The following KCNJ12 variants were observed in gnomAD, a reference collection of about 807,000 sequenced individuals.
KCNJ12 encodes ATP-sensitive inward rectifier potassium channel 12.
In KCNJ12, 2 loss-of-function variants were observed where a neutral mutation model predicts 22.3. That is an observed-to-expected ratio of 0.09 (90% CI 0.04 to 0.28). KCNJ12 has a LOEUF of 0.28. KCNJ12 is among the 10% of genes least tolerant of loss of function. KCNJ12 has a pLI of 1.00. For synonymous variants in KCNJ12, 117 were observed against 261.4 expected (o/e 0.45, Z 5.33); for missense variants, 155 against 633.3 (o/e 0.24, Z 8.11).
chr17:21,391,404 C>G (rs782075337), intron 1 of KCNJ12, among the ~76,000 whole-genome samples: 1 of 152,190 alleles, frequency 6.6e-6, no homozygotes, highest in African/African-American at 2.4e-5. Flanking sequence ...ACCCCTCCAG[C>G]CTGCGTTCTT....
Position 21,386,641 on chromosome 17 carries a change from A to G in KCNJ12, c.-179+9728A>G, listed in dbSNP as rs1461263556. On this transcript the variant is annotated intron_variant, in intron 1 of 2. Transcript: ENST00000583088. ...TCCTGCCTCAGTCTCCTGAGTTGCT[A>G]GGACTACAGGCATGCGCCACCACGC... Among the ~76,000 whole-genome samples the G allele has an allele frequency of 8.6e-5, 13 of 151,986 alleles. 1 individual carries two copies. Among genetic ancestry groups the G allele is most frequent in the Admixed American group, 8.5e-4 (13 of 15,250 alleles).
rs189342082 is a variant in KCNJ12, at chr17:21,378,222, C to T, written c.-179+1309C>T. On this transcript the variant is annotated intron_variant, in intron 1 of 2. Coordinates refer to ENST00000583088, the MANE Select transcript of KCNJ12 (RefSeq NM_021012.5). ...CTGCGCTGCACCTCCGCGGCCCCTC[C>T]TCGCGCAGCTCCGCCCTGGACCGCC... Among the ~76,000 whole-genome samples the T allele has an allele frequency of 4.8e-3, 727 of 152,378 alleles. 7 individuals are homozygous for T. The highest frequency in any genetic ancestry group is 0.021 in the Middle Eastern group (6 of 292).
At chr17:21,387,810 T>G (rs904618540) in intron 1 of KCNJ12, among the ~76,000 whole-genome samples, 3 of 152,232 alleles carry the variant, frequency 2.0e-5, no homozygotes, top group African/African-American at 7.2e-5. Context: ...CTGTAATTCC[T>G]GGACACGGAG....
At chr17:21,384,770 GTT>G (rs200586129) in intron 1 of KCNJ12, among the ~76,000 whole-genome samples, 32 of 128,654 alleles carry the variant, frequency 2.5e-4, no homozygotes, top group Admixed American at 5.6e-4. Context: ...TTGTTTGTTT[GTT>G]TTTTTTTTTT....
intron 1 of KCNJ12, among the ~76,000 whole-genome samples, chr17:21,400,419 C>T (rs34416435): frequency 2.0e-5 from 3 of 152,310 alleles, no homozygotes; most frequent in African/African-American, 2.4e-5. Flanking sequence ...CTCCTGTAGC[C>T]GGAATCTCCT....
At chr17:21,393,335 G>T (rs1436076239) in intron 1 of KCNJ12, among the ~76,000 whole-genome samples, 1 of 152,154 alleles carries the variant, frequency 6.6e-6, no homozygotes, top group Non-Finnish European at 1.5e-5. Flanking sequence ...CAGAGGCCCT[G>T]CTTCAGGCCC....
chr17:21,391,245 G>A (rs1312948310), intron 1 of KCNJ12, among the ~76,000 whole-genome samples: 2 of 152,230 alleles, frequency 1.3e-5, no homozygotes, highest in African/African-American at 4.8e-5. Context: ...GTGCTGCCGT[G>A]GACATGGAAC....
At chr17:21,381,235 C>T (rs1005535261) in intron 1 of KCNJ12, among the ~76,000 whole-genome samples, 2 of 152,162 alleles carry the variant, frequency 1.3e-5, no homozygotes, top group Admixed American at 1.3e-4. Flanking sequence ...CCTCTCCTGC[C>T]CTCACCTGCA....
intron 1 of KCNJ12, among the ~76,000 whole-genome samples, chr17:21,389,750 A>G (rs1409681467): frequency 6.6e-6 from 1 of 152,114 alleles, no homozygotes; most frequent in Non-Finnish European, 1.5e-5. Context: ...TGTGTCCCCC[A>G]GCACCAGTGT....
intron 1 of KCNJ12, among the ~76,000 whole-genome samples, chr17:21,399,331 G>T (rs892246692): frequency 6.6e-6 from 1 of 152,174 alleles, no homozygotes; most frequent in Non-Finnish European, 1.5e-5. Context: ...GTCTCCTGGG[G>T]TTGTCAAGAG....
At chr17:21,396,859 C>T (rs541507919) in intron 1 of KCNJ12, among the ~76,000 whole-genome samples, 2 of 152,270 alleles carry the variant, frequency 1.3e-5, no homozygotes, top group East Asian at 1.9e-4. Context: ...TGTGCAGAGC[C>T]TCCCAGGGAG....
At chr17:21,386,894 C>G (rs1905086371) in intron 1 of KCNJ12, among the ~76,000 whole-genome samples, 8 of 152,232 alleles carry the variant, frequency 5.3e-5, no homozygotes, top group Admixed American at 3.9e-4. Context: ...TGCAAAGGCT[C>G]TTTTCATCTG....
At chr17:21,401,226 C>T (rs1362988517) in intron 1 of KCNJ12, among the ~76,000 whole-genome samples, 5 of 144,902 alleles carry the variant, frequency 3.5e-5, no homozygotes, top group Non-Finnish European at 6.2e-5. Flanking sequence ...AAGGGCATCC[C>T]GACTGTGACC....
chr17:21,383,417 C>G (rs1209345829), intron 1 of KCNJ12, among the ~76,000 whole-genome samples: 1 of 152,020 alleles, frequency 6.6e-6, no homozygotes, highest in Admixed American at 6.5e-5. Flanking sequence ...AGAGAGGGTC[C>G]AGGGGAGCTT....
At chr17:21,414,873 G>C (rs1361424479) in intron 2 of KCNJ12, among the ~76,000 whole-genome samples, 1 of 152,312 alleles carries the variant, frequency 6.6e-6, no homozygotes, top group Non-Finnish European at 1.5e-5. Flanking sequence ...GCAGGGGAGG[G>C]ATAGGCACCG....
chr17:21,398,459 C>T (rs541496077), intron 1 of KCNJ12, among the ~76,000 whole-genome samples: 130 of 152,360 alleles, frequency 8.5e-4, no homozygotes, highest in Non-Finnish European at 7.5e-4. Context: ...CAGACCTCTA[C>T]GGCCCCCACT....
At chr17:21,396,751 G>A (rs547467979) in intron 1 of KCNJ12, among the ~76,000 whole-genome samples, 16 of 152,322 alleles carry the variant, frequency 1.1e-4, no homozygotes, top group African/African-American at 3.6e-4. Flanking sequence ...CACCAGAGCC[G>A]GCCAAGCTGG....
chr17:21,377,255 G>A (rs1239474971), intron 1 of KCNJ12, among the ~76,000 whole-genome samples: 1 of 152,106 alleles, frequency 6.6e-6, no homozygotes, highest in Non-Finnish European at 1.5e-5. Flanking sequence ...GGCTCGGGAG[G>A]GAGCGTGCGG....
intron 1 of KCNJ12, among the ~76,000 whole-genome samples, chr17:21,393,210 C>T (rs536776236): frequency 2.0e-5 from 3 of 152,256 alleles, no homozygotes; most frequent in African/African-American, 7.2e-5. Flanking sequence ...CTGTGCTTGT[C>T]CCCATTTTAC....
Sources: gnomAD v4.1 joint callset for allele counts (sites outside exome capture counted in the v4.1 genomes callset) on GRCh38, gnomAD v4.1.1 for gene constraint, MANE v1.5 for transcripts, NCBI Gene and HGNC (gene_info 2026-07-23, HGNC 2026-07-21) for gene names.